Variants in STARD8 observed in about 807,000 individuals in gnomAD.
STARD8 encodes the protein stAR-related lipid transfer protein 8.
Under a neutral mutation model 69.4 loss-of-function variants are expected in STARD8, and 25 were observed. The ratio of observed to expected loss-of-function variants is 0.36; its 90% CI spans 0.26 to 0.50. The LOEUF (loss-of-function observed/expected upper bound fraction) is 0.50. STARD8 is among the 20% of genes least tolerant of loss of function. The pLI, the probability that STARD8 is intolerant of heterozygous loss-of-function variation, is 0.96. For synonymous variants in STARD8, 389 were observed against 374.6 expected (o/e 1.04, Z -0.45); for missense variants, 921 against 932.5 (o/e 0.99, Z 0.16).
At chrX:68,680,172 C>G (rs780656145) in intron 2 of STARD8, among the ~76,000 whole-genome samples, 1 of 111,961 alleles carries the variant, frequency 8.9e-6, no homozygotes, top group African/African-American at 3.2e-5. Context: ...GACCTGATCT[C>G]GTGAGCTACT....
In STARD8 at chrX:68,724,096, A is replaced by T. The variant is rs1196052426; in HGVS notation, c.3169A>T (p.Thr1057Ser). ...EPCGLGRSRL[T>S]HICRADLRGR... ...TTGCGGCTTGGGCCGCTCTCGGCTC[A>T]CACACATCTGCCGGGCTGACCTCAG... Residue 1057 changes from threonine to serine, a missense_variant, in exon 14 of 15, where the codon ACA becomes TCA. Transcript: ENST00000374599. 2 of 1,209,609 alleles carry T rather than the reference A, an allele frequency of 1.7e-6. No individual in the cohort carries two copies. The highest frequency in any genetic ancestry group is 2.2e-6 in the Non-Finnish European group (2 of 895,029).
At position 68,724,412 on chromosome X, in the gene STARD8, C is replaced by G; in HGVS notation, c.3302C>G (p.Thr1101Arg). ...FPTLQAAGPE[T>R]KL ...ACCCTGCAGGCAGCGGGCCCTGAGA[C>G]AAAGCTGTGAGCCTTGGGCTGGTCC... The change falls in exon 15 of 15, where the codon ACA becomes AGA. Residue 1101 changes from threonine (T) to arginine (R), a missense_variant. Thr to Arg is a moderately conservative substitution (Grantham distance 71). Coordinates refer to ENST00000374599, the MANE Select transcript of STARD8 (RefSeq NM_001142503.3). The G allele has an allele frequency of 2.5e-6, 3 of 1,202,549 alleles. No individual in the cohort carries two copies. Among genetic ancestry groups the G allele is most frequent in the Non-Finnish European group, 3.4e-6 (3 of 890,410 alleles).
chrX:68,707,502 G>A (rs1262850611), intron 2 of STARD8, among the ~76,000 whole-genome samples: 1 of 111,680 alleles, frequency 9.0e-6, no homozygotes, highest in Admixed American at 9.5e-5. Flanking sequence ...TACTTTAGAA[G>A]AACCGGGAGA....
At chrX:68,702,067 G>A (rs781271469) in intron 2 of STARD8, among the ~76,000 whole-genome samples, 3 of 111,959 alleles carry the variant, frequency 2.7e-5, no homozygotes, top group African/African-American at 9.7e-5. Context: ...TCTTGCCTCC[G>A]AAGCAAGCTC....
intron 2 of STARD8, among the ~76,000 whole-genome samples, chrX:68,674,444 C>T (rs1249823641): frequency 1.8e-5 from 2 of 110,873 alleles, no homozygotes; most frequent in African/African-American, 6.6e-5. Context: ...ATTGGAGGTA[C>T]TTTGGGGATG....
At chrX:68,650,229 G>A (rs777172550) in intron 1 of STARD8, among the ~76,000 whole-genome samples, 2 of 110,563 alleles carry the variant, frequency 1.8e-5, no homozygotes, top group African/African-American at 6.6e-5. Context: ...TTCCAGACCA[G>A]CCTGGGCAAT....
At chrX:68,648,538 A>T (rs970404351) in intron 1 of STARD8, among the ~76,000 whole-genome samples, 2 of 111,461 alleles carry the variant, frequency 1.8e-5, no homozygotes, top group African/African-American at 6.5e-5. Flanking sequence ...AGGTGGGAGG[A>T]TCACTTGAGG....
rs776125723 is a variant in STARD8, at chrX:68,717,368, G to A, written c.454G>A (p.Glu152Lys). 17 of 1,208,338 alleles carry A rather than the reference G, an allele frequency of 1.4e-5. 1 individual carries two copies. Among genetic ancestry groups the A allele is most frequent in the Middle Eastern group, 2.3e-4 (1 of 4,349 alleles). ...CTCAAGCTGTGAGAGCGTCCTCACC[G>A]AGCTTAGTGCCACCTCTCTGCCAGT... ...ATSSCESVLT[E>K]LSATSLPVIT... Residue 152 changes from glutamate (E) to lysine (K), a missense_variant, in exon 6 of 15, where the codon GAG becomes AAG. By Grantham distance (56) the Glu-to-Lys change is moderately conservative. Transcript: ENST00000374599.
chrX:68,685,480 G>A (rs769296132), intron 2 of STARD8, among the ~76,000 whole-genome samples: 8 of 112,507 alleles, frequency 7.1e-5, no homozygotes, highest in South Asian at 3.7e-4. Flanking sequence ...GTTTGCTTGC[G>A]GTGGTGGGGA....
chrX:68,696,536 G>A (rs1408943784), intron 2 of STARD8, among the ~76,000 whole-genome samples: 4 of 111,982 alleles, frequency 3.6e-5, no homozygotes, highest in Non-Finnish European at 7.5e-5. Flanking sequence ...CCACACACAG[G>A]AATTTTAGAA....
chrX:68,712,866 C>A (rs757978244), intron 2 of STARD8, 48 bp from the exon 3 acceptor site: 1 of 1,151,170 alleles, frequency 8.7e-7, no homozygotes, highest in Non-Finnish European at 1.2e-6. Flanking sequence ...TGTCAGCACC[C>A]TCCTAACCCC....
intron 2 of STARD8, among the ~76,000 whole-genome samples, chrX:68,671,519 G>A (rs1384960790): frequency 1.8e-5 from 2 of 112,738 alleles, no homozygotes; most frequent in South Asian, 3.7e-4. Context: ...GCCAAGAACT[G>A]GCTTTTATTT....
At chrX:68,666,534 G>C (rs1286526040) in intron 2 of STARD8, among the ~76,000 whole-genome samples, 1 of 112,231 alleles carries the variant, frequency 8.9e-6, no homozygotes, top group Non-Finnish European at 1.9e-5. Context: ...GAGCTGGTTT[G>C]GGCGAATCAC....
At chrX:68,648,884 T>C (rs1229266862) in intron 1 of STARD8, among the ~76,000 whole-genome samples, 2 of 112,398 alleles carry the variant, frequency 1.8e-5, no homozygotes, top group Non-Finnish European at 3.8e-5. Flanking sequence ...AATTCATTCA[T>C]GTGGCAGTGA....
chrX:68,688,672 G>A lies in STARD8; in HGVS notation c.79+23140G>A, dbSNP rs1268815900. On this transcript the variant is annotated intron_variant, in intron 2 of 14. Transcript: ENST00000374599. ...GACTCTGGATACCCATAGCCCCAAG[G>A]TGAGCTGGGAGCAACGCTGGGGGCA... 7.1e-5 allele frequency among the ~76,000 whole-genome samples: 8 copies of A among 112,365 alleles called. No individual in the cohort carries two copies. In the East Asian group the frequency reaches 2.3e-3, roughly 32 times the overall value.
At chrX:68,698,167 C>T (rs1429950801) in intron 2 of STARD8, among the ~76,000 whole-genome samples, 1 of 111,543 alleles carries the variant, frequency 9.0e-6, no homozygotes, top group Non-Finnish European at 1.9e-5. Context: ...ACTTGGCAAA[C>T]GGAAGCAGTT....
chrX:68,706,573 C>T (rs2080008784), intron 2 of STARD8, among the ~76,000 whole-genome samples: 1 of 112,277 alleles, frequency 8.9e-6, no homozygotes, highest in African/African-American at 3.2e-5. Flanking sequence ...GTCAGCCACC[C>T]ATTACAGCAC....
At chrX:68,713,387 T>C (rs1279408075) in intron 3 of STARD8, among the ~76,000 whole-genome samples, 1 of 112,034 alleles carries the variant, frequency 8.9e-6, no homozygotes, top group Non-Finnish European at 1.9e-5. Flanking sequence ...CATTTCTCTT[T>C]CGGGTTTTTC....
chrX:68,723,716 C>A lies in STARD8; in HGVS notation c.2890C>A (p.Arg964=). The change falls in exon 13 of 15, where the codon CGG becomes AGG. Residue 964 remains arginine (R), a synonymous_variant. Coordinates refer to ENST00000374599, the MANE Select transcript of STARD8 (RefSeq NM_001142503.3). ...GGTGCTGCATCGTGTTCTCCGGGAG[C>A]GGGCCCTCTGGGATGAGGATCTGCT... ...AVVLHRVLRE[R]ALWDEDLLRA... is the part of the protein sequence containing the mutation. The A allele has an allele frequency of 8.4e-7, 1 of 1,192,955 alleles. No individual in the cohort carries two copies. The highest frequency in any genetic ancestry group is 3.0e-5 in the East Asian group (1 of 32,863).
Sources: allele counts gnomAD v4.1 joint callset (sites outside exome capture counted in the v4.1 genomes callset), GRCh38; gene constraint gnomAD v4.1.1; transcripts MANE v1.5; gene names NCBI Gene and HGNC (gene_info 2026-07-23, HGNC 2026-07-21).